NFIC: variants seen among roughly 807,000 people sequenced by gnomAD.
NFIC encodes the protein nuclear factor I C.
Under a neutral mutation model 54.4 loss-of-function variants are expected in NFIC, and 12 were observed. The ratio of observed to expected loss-of-function variants is 0.22; its 90% CI spans 0.14 to 0.36. NFIC has a LOEUF of 0.36. Among genes scored for constraint, NFIC ranks in the 10% least tolerant of loss-of-function variants. The pLI is 1.00. For missense variants in NFIC, 575 were observed against 718.2 expected (o/e 0.80, Z 2.28); for synonymous variants, 322 against 319.2 (o/e 1.01, Z -0.09).
chr19:3,401,756 C>G (rs1373625017), intron 2 of NFIC, among the ~76,000 whole-genome samples: 1 of 151,506 alleles, frequency 6.6e-6, no homozygotes, highest in Non-Finnish European at 1.5e-5. Context: ...GAGTCTCGCT[C>G]TGTCACCCAG....
chr19:3,366,782 T>G, intron 1 of NFIC, 116 bp downstream of exon 1: 5 of 643,510 alleles, frequency 7.8e-6, no homozygotes, highest in Non-Finnish European at 7.1e-6. Context: ...CCGCCATCCC[T>G]GCCCGGGATG....
At chr19:3,441,926 C>G (rs2082300062) in intron 6 of NFIC, among the ~76,000 whole-genome samples, 1 of 152,170 alleles carries the variant, frequency 6.6e-6, no homozygotes. Context: ...CCTGTCTAGA[C>G]AGCCCCCAAT....
upstream of NFIC, among the ~76,000 whole-genome samples, chr19:3,365,995 G>T (rs2080875544): frequency 6.6e-6 from 1 of 152,036 alleles, no homozygotes; most frequent in East Asian, 1.9e-4. Context: ...GGGGAAAGAG[G>T]CGCGCTGGCC....
chr19:3,455,395 T>G (rs1202120392), intron 9 of NFIC, among the ~76,000 whole-genome samples: 5 of 147,738 alleles, frequency 3.4e-5, no homozygotes, highest in African/African-American at 1.3e-4. Context: ...TCGGTGGGAT[T>G]ATGCCCAGTG....
chr19:3,377,964 G>A (rs1285919072), intron 1 of NFIC, among the ~76,000 whole-genome samples: 1 of 151,938 alleles, frequency 6.6e-6, no homozygotes, highest in African/African-American at 2.4e-5. Flanking sequence ...GGTTTTGCCT[G>A]CCGGCCACAG....
chr19:3,376,926 C>T (rs1411033180), intron 1 of NFIC, among the ~76,000 whole-genome samples: 1 of 151,736 alleles, frequency 6.6e-6, no homozygotes, highest in East Asian at 2.0e-4. Context: ...GATGGGGTTT[C>T]GCCATGTTGG....
Position 3,371,363 on chromosome 19 carries a change from C to T in NFIC, c.30+4697C>T, listed in dbSNP as rs1406806739. 8 of 143,232 alleles carry T rather than the reference C, an allele frequency of 5.6e-5. No individual in the cohort carries two copies. In the East Asian group the frequency reaches 1.1e-3, roughly 19 times the overall value. The allele number at this position is 143,232 out of a possible 1,614,324, so 8.9% of individuals were successfully genotyped here. ...TTTTTGAGGTAGAGTCTCGCTCTGT[C>T]GCCCAGGCTGGAGTGCAGCGGTGCG... is the stretch of plus-strand genomic sequence containing the variant. On this transcript the variant is annotated intron_variant, in intron 1 of 10. Coordinates refer to ENST00000443272, the MANE Select transcript of NFIC (RefSeq NM_001245002.2).
intron 2 of NFIC, among the ~76,000 whole-genome samples, chr19:3,395,642 G>A (rs567207177): frequency 2.0e-5 from 3 of 151,868 alleles, no homozygotes; most frequent in African/African-American, 7.2e-5. Flanking sequence ...CAGTATAGGC[G>A]TGCACCACTA....
At position 3,375,112 on chromosome 19, in the gene NFIC, G is replaced by C. The variant is rs1215481721; in HGVS notation, c.31-6600G>C. Among the ~76,000 whole-genome samples the C allele has an allele frequency of 6.6e-6, 1 of 150,812 alleles. No homozygotes were observed. Among genetic ancestry groups the C allele is most frequent in the Non-Finnish European group, 1.5e-5 (1 of 67,830 alleles). On this transcript the variant is annotated intron_variant, in intron 1 of 10. Coordinates refer to ENST00000443272, the MANE Select transcript of NFIC (RefSeq NM_001245002.2). The surrounding 1 kb of genome is among the most constrained non-coding windows in gnomAD (Gnocchi z 4.6). ...AAGGAATTAAGAGGAGAGGGGAAGT[G>C]GGGAGGGGGAATTCAGAGAGAGAGG...
At chr19:3,405,090 A>G (rs1022705521) in intron 2 of NFIC, among the ~76,000 whole-genome samples, 20 of 152,240 alleles carry the variant, frequency 1.3e-4, no homozygotes, top group Non-Finnish European at 1.9e-4. Flanking sequence ...TGGAAAGAAA[A>G]AAGAAACTTT....
At chr19:3,379,290 CT>C (rs563200633) in intron 1 of NFIC, among the ~76,000 whole-genome samples, 120 of 152,046 alleles carry the variant, frequency 7.9e-4, no homozygotes, top group African/African-American at 2.8e-3. Flanking sequence ...GAACTCCTGA[CT>C]TCTTGATCTG....
At chr19:3,403,508 C>T (rs75898414) in intron 2 of NFIC, among the ~76,000 whole-genome samples, 2,547 of 152,284 alleles carry the variant, frequency 0.017, 77 homozygotes, top group African/African-American at 0.058. Context: ...CTCTCCCTCC[C>T]CAAGCAAGAC....
intron 9 of NFIC, among the ~76,000 whole-genome samples, chr19:3,456,091 C>T (rs2082550021): frequency 6.6e-6 from 1 of 152,216 alleles, no homozygotes. Context: ...AATATAAATA[C>T]GCACATCTGT....
At chr19:3,433,485 C>T (rs369956526) in intron 3 of NFIC, 33 bp from the exon 4 acceptor site, 105 of 1,610,974 alleles carry the variant, frequency 6.5e-5, no homozygotes, top group Middle Eastern at 1.6e-4. Flanking sequence ...AGGCCCAGCT[C>T]AGCCTACTGA....
At position 3,390,849 on chromosome 19, in the gene NFIC, G is replaced by A. The variant is rs188404015; in HGVS notation, c.562+8606G>A. Among the ~76,000 whole-genome samples the A allele has an allele frequency of 5.0e-4, 76 of 152,070 alleles. No individual in the cohort carries two copies. The East Asian group carries it at 0.012, about 24-fold the overall frequency. ...CACAGAGACAGAAAGTAGGATGGGG[G>A]GTGCCAGGGGCTGGGGAGGGGGCTG... On this transcript the variant is annotated intron_variant, in intron 2 of 10. Transcript: ENST00000443272.
At position 3,459,758 on chromosome 19, in the gene NFIC, G is replaced by C. The variant is rs1296215965; in HGVS notation, c.1510-2994G>C. Among the ~76,000 whole-genome samples the C allele has an allele frequency of 6.6e-6, 1 of 152,284 alleles. No individual in the cohort carries two copies. Among genetic ancestry groups the C allele is most frequent in the Non-Finnish European group, 1.5e-5 (1 of 68,050 alleles). On this transcript the variant is annotated intron_variant, in intron 10 of 10. Transcript: ENST00000443272. The surrounding 1 kb of genome is among the most constrained non-coding windows in gnomAD (Gnocchi z 4.2). ...GTCTGTCGGTTGCCAACAGAAACCA[G>C]ACATGAGGTAATGGCCAAGATGAAC...
In NFIC at chr19:3,452,573, G is replaced by T; in HGVS notation, c.1176G>T (p.Thr392=). The T allele has an allele frequency of 1.9e-6, 3 of 1,613,622 alleles. No individual in the cohort carries two copies. The highest frequency in any genetic ancestry group is 1.3e-5 in the African/African-American group (1 of 74,916). ...CGGCCTCCACCTACTTCCCCCACAC[G>T]GCCATCCGCTACCCACCTCATCTCA... ...PQTASTYFPH[T]AIRYPPHLNP... Residue 392 remains threonine (T), a synonymous_variant, in exon 8 of 11, where the codon ACG becomes ACT. Transcript: ENST00000443272. The surrounding 1 kb of genome is among the most constrained non-coding windows in gnomAD (Gnocchi z 5.3).
At chr19:3,374,960 C>T (rs1162486639) in intron 1 of NFIC, among the ~76,000 whole-genome samples, 1 of 152,154 alleles carries the variant, frequency 6.6e-6, no homozygotes, top group Non-Finnish European at 1.5e-5. Context: ...GACGTGGGCC[C>T]CCACCCCTGC....
upstream of NFIC, among the ~76,000 whole-genome samples, chr19:3,364,561 T>C (rs1335789774): frequency 6.6e-6 from 1 of 152,192 alleles, no homozygotes; most frequent in Non-Finnish European, 1.5e-5. Flanking sequence ...CCACCAATAA[T>C]ATTCACACAG....
Sources: gnomAD v4.1 joint callset for allele counts (sites outside exome capture counted in the v4.1 genomes callset) on GRCh38, gnomAD v4.1.1 for gene constraint, Gnocchi (gnomAD v3.1) non-coding constraint, MANE v1.5 for transcripts, NCBI Gene and HGNC (gene_info 2026-07-23, HGNC 2026-07-21) for gene names.